CHD1L: variants seen among roughly 807,000 people sequenced by gnomAD.
CHD1L encodes the protein ATP-dependent chromatin remodeler CHD1L.
In CHD1L, 118 loss-of-function variants were observed where a neutral mutation model predicts 115.9. That is an observed-to-expected ratio of 1.02 (90% CI 0.88 to 1.19). The LOEUF is 1.19. CHD1L is among the 50% of genes most tolerant of loss of function. CHD1L has a pLI of 0.00. For missense variants in CHD1L, 1,179 were observed against 1,065.3 expected (o/e 1.11, Z -1.49); for synonymous variants, 411 against 387.1 (o/e 1.06, Z -0.72).
the CHD1L span, among the ~76,000 whole-genome samples, chr1:147,205,914 A>C: frequency 6.6e-6 from 1 of 152,166 alleles, no homozygotes; most frequent in Non-Finnish European, 1.5e-5. Context: ...AAATTGACAA[A>C]TGGGATCTAA....
the CHD1L span, chr1:147,201,577 C>G: frequency 8.0e-7 from 1 of 1,256,360 alleles, no homozygotes; most frequent in Non-Finnish European, 1.1e-6. Flanking sequence ...TAAAATTTTG[C>G]TTTGGTGGAG....
rs587628065 is a variant in CHD1L, at chr1:147,257,003, G to A, written c.494+441G>A. Among the ~76,000 whole-genome samples, 30 of 152,250 alleles carry A rather than the reference G, an allele frequency of 2.0e-4. No individual in the cohort carries two copies. In the East Asian group the frequency reaches 2.1e-3, roughly 11 times the overall value. On this transcript the variant is annotated intron_variant, in intron 5 of 22. Transcript: ENST00000369258. ...ATAACCTAAAATAGCAATCAGTGCC[G>A]TGGAATTAACTTTTTAGAAAGGGAG...
At chr1:147,271,174 A>G in intron 11 of CHD1L, 169 bp downstream of exon 11, 1 of 551,918 alleles carries the variant, frequency 1.8e-6, no homozygotes, top group Non-Finnish European at 3.2e-6. Flanking sequence ...GTGTGAAGGC[A>G]AGGATGGACA....
rs781890754 is a variant in CHD1L at position 147,270,939 on chromosome 1, CG to C, written c.1096del (p.Val366PhefsTer7). The C allele has an allele frequency of 2.5e-6, 4 of 1,613,752 alleles. No homozygotes were observed. The highest frequency in any genetic ancestry group is 3.4e-6 in the Non-Finnish European group (4 of 1,179,882). ...TTTTCTTTTTCTTGCCAGGGGCCAT[CG>C]GGTTTTACTTTTCTCCCAAATGACC... ...LLAFLYSGGH[R>X]VLLFSQMTQM... On this transcript the variant is annotated frameshift_variant, in exon 11 of 23. Coordinates refer to ENST00000369258, the MANE Select transcript of CHD1L (RefSeq NM_004284.6). LOFTEE classifies it high-confidence loss of function.
At chr1:147,281,400 C>T (rs1553961850) in intron 15 of CHD1L, among the ~76,000 whole-genome samples, 1 of 152,072 alleles carries the variant, frequency 6.6e-6, no homozygotes, top group Non-Finnish European at 1.5e-5. Flanking sequence ...TCTTAACTTC[C>T]ATAAGTTGAA....
the CHD1L span, among the ~76,000 whole-genome samples, chr1:147,206,074 AAAAC>A: frequency 1.3e-3 from 191 of 151,070 alleles, 5 homozygotes; most frequent in South Asian, 0.028. Context: ...TTACAAGAAA[AAAAC>A]AAACAACCCC....
At chr1:147,236,225 A>G in the CHD1L span, among the ~76,000 whole-genome samples, 1 of 152,182 alleles carries the variant, frequency 6.6e-6, no homozygotes, top group African/African-American at 2.4e-5. Flanking sequence ...CAAGAGCTAA[A>G]GAGCCCCAAA....
chr1:147,221,268 T>G, the CHD1L span, among the ~76,000 whole-genome samples: 1 of 152,182 alleles, frequency 6.6e-6, no homozygotes. Context: ...TAAATCTGAA[T>G]AAAGTATGGA....
At chr1:147,204,238 T>C in the CHD1L span, 1 of 1,268,176 alleles carries the variant, frequency 7.9e-7, no homozygotes, top group Non-Finnish European at 1.2e-6. Flanking sequence ...CTTTGACAGA[T>C]GTACATCACC....
At chr1:147,269,098 A>G (rs1233722422) in intron 10 of CHD1L, among the ~76,000 whole-genome samples, 1 of 151,870 alleles carries the variant, frequency 6.6e-6, no homozygotes, top group African/African-American at 2.4e-5. Context: ...AGCACTTATA[A>G]TCCTAATCCA....
At chr1:147,239,560 C>G (rs1664704914), upstream of CHD1L, among the ~76,000 whole-genome samples, 1 of 152,190 alleles carries the variant, frequency 6.6e-6, no homozygotes, top group South Asian at 2.1e-4. Flanking sequence ...AACTCTTGCC[C>G]AGACTACTGC....
the CHD1L span, chr1:147,187,236 C>T: frequency 6.3e-7 from 1 of 1,594,726 alleles, no homozygotes; most frequent in South Asian, 1.1e-5. Flanking sequence ...GGCGTTGGCT[C>T]TCCACATACC....
chr1:147,259,618 C>T, intron 5 of CHD1L: 1 of 420,338 alleles, frequency 2.4e-6, no homozygotes, highest in Non-Finnish European at 4.3e-6. Context: ...AGGTCTTTCC[C>T]ATTTTGTTAA....
the CHD1L span, among the ~76,000 whole-genome samples, chr1:147,182,274 T>C: frequency 6.6e-6 from 1 of 152,218 alleles, no homozygotes; most frequent in South Asian, 2.1e-4. Context: ...TAAAGTCTCC[T>C]TAAAAGAAAA....
intron 6 of CHD1L, among the ~76,000 whole-genome samples, chr1:147,262,349 T>G (rs913973140): frequency 9.2e-5 from 14 of 152,162 alleles, no homozygotes; most frequent in Admixed American, 7.2e-4. Context: ...GGAAAATGTT[T>G]GCAAAGTATT....
the CHD1L span, among the ~76,000 whole-genome samples, chr1:147,234,774 G>C: frequency 6.6e-6 from 1 of 152,142 alleles, no homozygotes; most frequent in Non-Finnish European, 1.5e-5. Flanking sequence ...AATTTATACT[G>C]ACATGAAAAA....
At chr1:147,287,872 C>T in intron 19 of CHD1L, 139 bp downstream of exon 19, 1 of 642,406 alleles carries the variant, frequency 1.6e-6, no homozygotes, top group Admixed American at 3.1e-5. Flanking sequence ...CATAAATTAG[C>T]TACTTGTTCT....
upstream of CHD1L, among the ~76,000 whole-genome samples, chr1:147,239,663 C>T (rs942740253): frequency 1.3e-5 from 2 of 152,168 alleles, no homozygotes; most frequent in East Asian, 3.8e-4. Flanking sequence ...TGTGTCACCT[C>T]ACTGGCAGAC....
At chr1:147,289,598 A>C (rs1243967642) in intron 19 of CHD1L, among the ~76,000 whole-genome samples, 6 of 152,136 alleles carry the variant, frequency 3.9e-5, no homozygotes, top group Non-Finnish European at 7.4e-5. Context: ...GGTTGCAGCA[A>C]AGTAGGTGAA....
Sources: allele counts gnomAD v4.1 joint callset (sites outside exome capture counted in the v4.1 genomes callset), GRCh38; gene constraint gnomAD v4.1.1; transcripts MANE v1.5; gene names NCBI Gene and HGNC (gene_info 2026-07-23, HGNC 2026-07-21).